Variants in DOCK1 observed in about 807,000 individuals in gnomAD.
The protein encoded by DOCK1 is dedicator of cytokinesis protein 1.
In DOCK1, 138 loss-of-function variants were observed where a neutral mutation model predicts 262.7. The observed-to-expected ratio is 0.53, with a 90% CI of 0.46 to 0.61. DOCK1 has a LOEUF of 0.61. Among genes scored for constraint, DOCK1 ranks in the 20% least tolerant of loss-of-function variants. The probability of loss-of-function intolerance (pLI) is 0.00; values close to 1 mark genes in which losing one functional copy is unlikely to be tolerated. For missense variants in DOCK1, 1,908 were observed against 2,370.7 expected (o/e 0.80, Z 4.05); for synonymous variants, 866 against 867.4 (o/e 1.00, Z 0.03).
At chr10:127,287,437 A>G (rs916909128) in intron 29 of DOCK1, among the ~76,000 whole-genome samples, 11 of 145,714 alleles carry the variant, frequency 7.5e-5, no homozygotes, top group Non-Finnish European at 1.5e-4. Flanking sequence ...CGATCCTCCC[A>G]CCTCAGCCTC....
chr10:127,370,877 C>T (rs2065170238), intron 33 of DOCK1, among the ~76,000 whole-genome samples: 1 of 152,138 alleles, frequency 6.6e-6, no homozygotes, highest in South Asian at 2.1e-4. Context: ...CAGTTGGACA[C>T]CCTGTGAATA....
intron 38 of DOCK1, among the ~76,000 whole-genome samples, chr10:127,401,646 C>T (rs149699712): frequency 7.6e-4 from 115 of 152,298 alleles, no homozygotes; most frequent in African/African-American, 2.6e-3. Flanking sequence ...AGCTGCTGAT[C>T]ACCAGCTTGT....
chr10:127,061,367 C>T (rs918526150), intron 22 of DOCK1, among the ~76,000 whole-genome samples: 5 of 152,204 alleles, frequency 3.3e-5, no homozygotes, highest in Non-Finnish European at 7.3e-5. Flanking sequence ...GCCCTTTCCA[C>T]CCTCCCTTTC....
intron 27 of DOCK1, among the ~76,000 whole-genome samples, chr10:127,166,130 A>C (rs969152323): frequency 6.6e-6 from 1 of 152,156 alleles, no homozygotes; most frequent in African/African-American, 2.4e-5. Flanking sequence ...CAGGGGCACA[A>C]TCTCGGCTCA....
chr10:127,065,982 C>T (rs1430663455), intron 23 of DOCK1, among the ~76,000 whole-genome samples: 1 of 152,086 alleles, frequency 6.6e-6, no homozygotes, highest in Non-Finnish European at 1.5e-5. Context: ...AGACCCGCTC[C>T]ACCCCTAGCT....
intron 10 of DOCK1, among the ~76,000 whole-genome samples, chr10:127,004,000 A>G (rs1202706585): frequency 1.3e-5 from 2 of 151,784 alleles, no homozygotes; most frequent in Admixed American, 1.3e-4. Context: ...CACACCTCTA[A>G]TCCCAGAACT....
intron 12 of DOCK1, among the ~76,000 whole-genome samples, chr10:127,015,424 C>T (rs2135350361): frequency 6.6e-6 from 1 of 152,246 alleles, no homozygotes; most frequent in Non-Finnish European, 1.5e-5. Context: ...TTTCCATTTC[C>T]CCTGTTATCT....
intron 23 of DOCK1, among the ~76,000 whole-genome samples, chr10:127,104,860 A>G (rs907433905): frequency 4.6e-5 from 7 of 152,182 alleles, no homozygotes; most frequent in Non-Finnish European, 1.0e-4. Context: ...TAGCTTTGTG[A>G]ACAGGGACAA....
chr10:127,248,805 T>A (rs2059519150), intron 28 of DOCK1, among the ~76,000 whole-genome samples: 1 of 152,214 alleles, frequency 6.6e-6, no homozygotes, highest in Non-Finnish European at 1.5e-5. Context: ...CCCCAATCCC[T>A]GGGCCACACA....
intron 29 of DOCK1, among the ~76,000 whole-genome samples, chr10:127,261,300 T>G (rs1455518208): frequency 6.4e-5 from 7 of 109,526 alleles, no homozygotes; most frequent in South Asian, 2.9e-4. Context: ...CATGTGGGTG[T>G]GTGTGTGTGT....
chr10:127,354,970 G>A (rs938927448), intron 32 of DOCK1, among the ~76,000 whole-genome samples: 4 of 152,224 alleles, frequency 2.6e-5, no homozygotes, highest in African/African-American at 9.7e-5. Flanking sequence ...CTTGTGTTGT[G>A]TGGACACGTG....
chr10:127,051,341 T>C (rs1360833347), intron 21 of DOCK1, among the ~76,000 whole-genome samples: 1 of 152,128 alleles, frequency 6.6e-6, no homozygotes, highest in African/African-American at 2.4e-5. Context: ...TTACTATTCT[T>C]ATATATTGTT....
chr10:127,052,895 G>T, intron 22 of DOCK1, 80 bp downstream of exon 22: 1 of 1,530,320 alleles, frequency 6.5e-7, no homozygotes, highest in Non-Finnish European at 8.8e-7. Context: ...CCCTTCTCTC[G>T]TCCCCTTATT....
At chr10:126,926,474 T>C (rs1009425983) in intron 1 of DOCK1, among the ~76,000 whole-genome samples, 1 of 152,190 alleles carries the variant, frequency 6.6e-6, no homozygotes, top group African/African-American at 2.4e-5. Flanking sequence ...CAACTACTTA[T>C]CTTGCAGTTT....
intron 1 of DOCK1, among the ~76,000 whole-genome samples, chr10:126,919,648 C>G (rs1591313600): frequency 6.6e-6 from 1 of 152,210 alleles, no homozygotes; most frequent in Non-Finnish European, 1.5e-5. Flanking sequence ...GCCCGTTGCT[C>G]TGAGGGACAA....
chr10:127,181,488 C>G (rs71474208), intron 27 of DOCK1, among the ~76,000 whole-genome samples: 1 of 152,160 alleles, frequency 6.6e-6, no homozygotes, highest in African/African-American at 2.4e-5. Context: ...CGAGACACCT[C>G]CCAGGGCCCA....
chr10:126,958,141 A>T (rs1041416628), intron 1 of DOCK1, among the ~76,000 whole-genome samples: 55,177 of 151,774 alleles, frequency 0.36, 11,179 homozygotes, highest in East Asian at 0.55. Flanking sequence ...ATAGAATTAT[A>T]TAAAAGTCAC....
Position 127,125,446 on chromosome 10 carries a change from C to G in DOCK1, c.2624-28C>G, listed in dbSNP as rs1240583786. 4 of 1,610,934 alleles carry G rather than the reference C, an allele frequency of 2.5e-6. No individual in the cohort carries two copies. The Admixed American group carries it at 6.7e-5, about 27-fold the overall frequency. Reference sequence around the variant, plus strand: ...GAGTTGCGTCTTGGTGGGTTTCACACTGACTGGCAATGCTGTGTCCTGTGT... The same window carrying G: ...GAGTTGCGTCTTGGTGGGTTTCACAGTGACTGGCAATGCTGTGTCCTGTGT... On this transcript the variant is annotated intron_variant, in intron 25 of 51. Coordinates refer to ENST00000623213, the MANE Select transcript of DOCK1 (RefSeq NM_001290223.2).
intron 29 of DOCK1, among the ~76,000 whole-genome samples, chr10:127,280,330 G>A (rs1043825856): frequency 5.9e-5 from 9 of 152,000 alleles, no homozygotes; most frequent in Admixed American, 2.0e-4. Flanking sequence ...CACCGCGCCC[G>A]GCCTTCATAT....
Sources: gnomAD v4.1 joint callset for allele counts (sites outside exome capture counted in the v4.1 genomes callset) on GRCh38, gnomAD v4.1.1 for gene constraint, MANE v1.5 for transcripts, NCBI Gene and HGNC (gene_info 2026-07-23, HGNC 2026-07-21) for gene names.